Variants in PCDH10 observed in about 807,000 individuals in gnomAD.
PCDH10 encodes the protein protocadherin 10.
In PCDH10, 15 loss-of-function variants were observed where a neutral mutation model predicts 74.4. That is an observed-to-expected ratio of 0.20 (90% CI 0.13 to 0.31). PCDH10 has a LOEUF of 0.31. Among genes scored for constraint, PCDH10 ranks in the 10% least tolerant of loss-of-function variants. The pLI is 1.00. For synonymous variants in PCDH10, 619 were observed against 589.8 expected (o/e 1.05, Z -0.72); for missense variants, 1,260 against 1,390.2 (o/e 0.91, Z 1.49).
At chr4:133,172,480 A>G (rs1382289944) in intron 4 of PCDH10, among the ~76,000 whole-genome samples, 1 of 151,948 alleles carries the variant, frequency 6.6e-6, no homozygotes, top group Non-Finnish European at 1.5e-5. Context: ...TCATAAATGT[A>G]TAACTCAAGA....
At position 133,162,906 on chromosome 4, in the gene PCDH10, A is replaced by G. The variant is rs1726998333; in HGVS notation, c.2798-71A>G. The G allele has an allele frequency of 1.2e-5, 16 of 1,311,698 alleles. No individual in the cohort carries two copies. The Admixed American group carries it at 2.7e-4, about 22-fold the overall frequency. 81.3% of individuals were successfully genotyped at this position (1,311,698 alleles called of 1,614,324 possible). Reference sequence around the variant, plus strand: ...ACTTGTCACCCTTTATGCTACCTGTAATCTTACACTGCTAAGTAACTGGTC... The same window carrying G: ...ACTTGTCACCCTTTATGCTACCTGTGATCTTACACTGCTAAGTAACTGGTC... On this transcript the variant is annotated intron_variant, in intron 3 of 4. Transcript: ENST00000264360.
intron 3 of PCDH10, among the ~76,000 whole-genome samples, chr4:133,158,323 G>A (rs887509950): frequency 5.9e-5 from 9 of 151,918 alleles, no homozygotes; most frequent in East Asian, 3.9e-4. Flanking sequence ...TGCTTTTCCC[G>A]TTATAAAATA....
chr4:133,157,466 A>G (rs891496364), intron 3 of PCDH10, among the ~76,000 whole-genome samples: 2 of 152,162 alleles, frequency 1.3e-5, no homozygotes, highest in African/African-American at 4.8e-5. Context: ...TGATTTTCCA[A>G]TTTTGCAAAA....
chr4:133,160,753 C>T (rs973385968), intron 3 of PCDH10, among the ~76,000 whole-genome samples: 2 of 151,140 alleles, frequency 1.3e-5, no homozygotes, highest in Admixed American at 6.6e-5. Context: ...GATATTTAGT[C>T]GTCGTGAAGA....
At chr4:133,177,494 CTACATCAGTTTTGCATG>C (rs1218409720) in intron 4 of PCDH10, among the ~76,000 whole-genome samples, 1 of 152,058 alleles carries the variant, frequency 6.6e-6, no homozygotes, top group Non-Finnish European at 1.5e-5. Flanking sequence ...CTTCTAACTT[CTACATCAGTTTTGCATG>C]TACATCACCA....
chr4:133,199,180 T>G (rs1166518480), downstream of PCDH10, among the ~76,000 whole-genome samples: 5 of 151,332 alleles, frequency 3.3e-5, no homozygotes, highest in African/African-American at 1.2e-4. Flanking sequence ...CCCAGATACT[T>G]GAAAGGCTGA....
intron 4 of PCDH10, among the ~76,000 whole-genome samples, chr4:133,169,737 A>G (rs1382889156): frequency 1.3e-5 from 2 of 151,968 alleles, no homozygotes; most frequent in Non-Finnish European, 2.9e-5. Flanking sequence ...AGTTATAAAG[A>G]TATTGTAAAT....
chr4:133,182,111 G>A (rs994710716), intron 4 of PCDH10, among the ~76,000 whole-genome samples: 2 of 151,886 alleles, frequency 1.3e-5, no homozygotes, highest in African/African-American at 4.8e-5. Context: ...ATGAAGTTGC[G>A]CACATCACAA....
chr4:133,151,536 C>A lies in PCDH10; in HGVS notation c.1396C>A (p.Pro466Thr), dbSNP rs1363364349. 1 of 1,614,118 alleles carries A rather than the reference C, an allele frequency of 6.2e-7. No individual in the cohort carries two copies. Among genetic ancestry groups the A allele is most frequent in the Non-Finnish European group, 8.5e-7 (1 of 1,180,034 alleles). ...VNDNAPRFSQ[P>T]VYDVYVTENN... ...CGACAACGCGCCGCGTTTCAGCCAG[C>A]CGGTCTACGACGTGTATGTGACTGA... Residue 466 changes from proline (P) to threonine (T), a missense_variant, in exon 1 of 5, where the codon CCG becomes ACG. By Grantham distance (38) the Pro-to-Thr change is conservative. Around this residue, in one of 11 missense-constraint regions of PCDH10, gnomAD observed 587 missense variants for 616.9 expected, o/e 0.95. Coordinates refer to ENST00000264360, the MANE Select transcript of PCDH10 (RefSeq NM_032961.3).
rs202165977 is a variant in PCDH10, at chr4:133,151,259, C to T, written c.1119C>T (p.Pro373=). The T allele has an allele frequency of 9.9e-6, 16 of 1,613,994 alleles. No individual in the cohort carries two copies. Among genetic ancestry groups the T allele is most frequent in the South Asian group, 3.3e-5 (3 of 91,072 alleles). The change falls in exon 1 of 5, where the codon CCC becomes CCT. Residue 373 remains proline (P), a synonymous_variant. Transcript: ENST00000264360. The part of the protein sequence containing the change: ...VKEAVSEGAA[P]GTVVALFSVT... The stretch of plus-strand genomic sequence containing the variant: ...AAGCGGTGAGTGAGGGCGCGGCGCC[C>T]GGCACTGTGGTGGCCCTTTTCAGCG...
intron 4 of PCDH10, among the ~76,000 whole-genome samples, chr4:133,168,868 C>G (rs1265584777): frequency 1.3e-5 from 2 of 151,626 alleles, no homozygotes; most frequent in African/African-American, 4.8e-5. Flanking sequence ...TTCTTTTCTT[C>G]TAATTTTTAA....
rs149145553 is a variant in PCDH10 at position 133,190,584 on chromosome 4, G to A, written c.*424G>A. On this transcript the variant is annotated 3_prime_UTR_variant, in exon 5 of 5. Transcript: ENST00000264360. ...TTATTTTTGTGTGATCAAGTGTTCC[G>A]CAAGCTATTCCAACTTTACAAGAGA... The A allele has an allele frequency of 1.8e-3, 291 of 159,064 alleles. 2 individuals carry two copies. The highest frequency in any genetic ancestry group is 9.0e-3 in the Middle Eastern group (3 of 334). 9.9% of individuals were successfully genotyped at this position (159,064 alleles called of 1,614,324 possible).
chr4:133,177,011 T>C (rs541252364), intron 4 of PCDH10, among the ~76,000 whole-genome samples: 45 of 151,940 alleles, frequency 3.0e-4, no homozygotes, highest in African/African-American at 1.1e-3. Context: ...AATGTCCATA[T>C]AGAATTTGAC....
rs535858980 is a variant in PCDH10, at chr4:133,152,094, C to T, written c.1954C>T (p.Arg652Trp). 10 of 1,591,430 alleles carry T rather than the reference C, an allele frequency of 6.3e-6. No homozygotes were observed. The African/African-American group carries it at 1.2e-4, about 19-fold the overall frequency. ...RRVPAKRDPQ[R>W]PYELVIEVRD... Reference sequence around the variant, plus strand: ...AGTCCCGGCCAAGCGCGACCCCCAGCGGCCTTATGAGCTGGTGATCGAGGT... The same window carrying T: ...AGTCCCGGCCAAGCGCGACCCCCAGTGGCCTTATGAGCTGGTGATCGAGGT... Residue 652 changes from arginine to tryptophan, a missense_variant, in exon 1 of 5, where the codon CGG (arginine) becomes TGG (tryptophan). This residue lies in a region of PCDH10 where 587 missense variants were observed against 616.9 expected (regional missense o/e 0.95). Transcript: ENST00000264360.
downstream of PCDH10, among the ~76,000 whole-genome samples, chr4:133,198,803 C>A (rs1411395490): frequency 1.3e-5 from 2 of 152,012 alleles, no homozygotes. Context: ...CTTCTAGCTG[C>A]AAATCAGTTA....
At position 133,151,334 on chromosome 4, in the gene PCDH10, G is replaced by A; in HGVS notation, c.1194G>A (p.Leu398=). The change falls in exon 1 of 5, where the codon CTG becomes CTA. Residue 398 remains leucine, a synonymous_variant. Coordinates refer to ENST00000264360, the MANE Select transcript of PCDH10 (RefSeq NM_032961.3). ...EENGQVQCEL[L]GDVPFRLKSS... ...ATGGGCAGGTGCAGTGCGAGCTACT[G>A]GGAGACGTGCCTTTCCGCCTCAAGT... 3.1e-6 allele frequency: 5 copies of A among 1,614,152 alleles called. No homozygotes were observed. The highest frequency in any genetic ancestry group is 4.2e-6 in the Non-Finnish European group (5 of 1,180,028).
intron 4 of PCDH10, among the ~76,000 whole-genome samples, chr4:133,180,428 T>C (rs781164714): frequency 1.3e-5 from 2 of 152,042 alleles, no homozygotes; most frequent in Non-Finnish European, 2.9e-5. Context: ...TTACCATCAT[T>C]ATTGCATAAG....
chr4:133,160,933 G>T (rs555335099), intron 3 of PCDH10, among the ~76,000 whole-genome samples: 1 of 152,028 alleles, frequency 6.6e-6, no homozygotes, highest in South Asian at 2.1e-4. Context: ...TAAATAGGCA[G>T]CACTTATCAT....
At chr4:133,187,133 C>T (rs932161220) in intron 4 of PCDH10, among the ~76,000 whole-genome samples, 6 of 152,120 alleles carry the variant, frequency 3.9e-5, no homozygotes, top group Non-Finnish European at 7.4e-5. Flanking sequence ...GGATTTTTGG[C>T]TCCTCTGTAT....
Sources: gnomAD v4.1 joint callset for allele counts (sites outside exome capture counted in the v4.1 genomes callset) on GRCh38, gnomAD v4.1.1 for gene constraint, gnomAD v4.1.1 regional missense constraint, MANE v1.5 for transcripts, NCBI Gene and HGNC (gene_info 2026-07-23, HGNC 2026-07-21) for gene names.